Variants in RBM44 observed in about 807,000 individuals in gnomAD.
RBM44 encodes RNA-binding protein 44.
A neutral mutation model predicts 105.1 loss-of-function variants in RBM44; 66 were observed. The ratio of observed to expected loss-of-function variants is 0.63; its 90% CI spans 0.52 to 0.77. The LOEUF is 0.77. Among genes scored for constraint, RBM44 ranks in the 30% least tolerant of loss-of-function variants. RBM44 has a pLI of 0.00. For synonymous variants in RBM44, 365 were observed against 417.6 expected (o/e 0.87, Z 1.54); for missense variants, 1,122 against 1,207.8 (o/e 0.93, Z 1.05).
chr2:237,831,765 CT>C (rs1313015666), intron 13 of RBM44, among the ~76,000 whole-genome samples: 3 of 152,212 alleles, frequency 2.0e-5, no homozygotes, highest in Admixed American at 2.0e-4. Flanking sequence ...CTCTTTACTA[CT>C]TTACCTGTTT....
chr2:237,805,916 G>C (rs1180451575), intron 1 of RBM44, among the ~76,000 whole-genome samples: 1 of 152,148 alleles, frequency 6.6e-6, no homozygotes, highest in Admixed American at 6.5e-5. Flanking sequence ...GGAGGTCAAG[G>C]CTGCAGTGAG....
rs569951283 is a variant in RBM44 at position 237,809,050 on chromosome 2, T to C, written c.-18-4542T>C. Among the ~76,000 whole-genome samples the C allele has an allele frequency of 3.3e-5, 5 of 152,328 alleles. No homozygotes were observed. In the East Asian group the frequency reaches 9.6e-4, roughly 29 times the overall value. ...TGGAAGAATTTCAATTCTCATTATA[T>C]ATGAATGTCCATTTCATGACCCTTA... On this transcript the variant is annotated intron_variant, in intron 1 of 15. Coordinates refer to ENST00000316997, the MANE Select transcript of RBM44 (RefSeq NM_001080504.3).
intron 12 of RBM44, among the ~76,000 whole-genome samples, chr2:237,828,026 A>C (rs1262209368): frequency 6.6e-6 from 1 of 152,150 alleles, no homozygotes; most frequent in Non-Finnish European, 1.5e-5. Context: ...TGCTCAGAAA[A>C]TTGTATTTCA....
At position 237,818,554 on chromosome 2, in the gene RBM44, C is replaced by G. The variant is rs1443962487; in HGVS notation, c.1635C>G (p.Leu545=). Residue 545 remains leucine, a synonymous_variant, in exon 3 of 16, where the codon CTC becomes CTG. Coordinates refer to ENST00000316997, the MANE Select transcript of RBM44 (RefSeq NM_001080504.3). This position sits in a 1 kb window ranked among gnomAD's most constrained non-coding sequence, Gnocchi z 4.6. ...TAACAAAAGGATCAGGAAAATCTCT[C>G]TCCGTTGACAGTTTAAAACCTAATG... is the stretch of plus-strand genomic sequence containing the variant. ...MAITKGSGKS[L]SVDSLKPNGN... is the part of the protein sequence containing the mutation. The G allele has an allele frequency of 1.3e-6, 2 of 1,584,554 alleles. No individual in the cohort carries two copies. The highest frequency in any genetic ancestry group is 1.7e-6 in the Non-Finnish European group (2 of 1,167,778).
intron 15 of RBM44, among the ~76,000 whole-genome samples, chr2:237,835,928 A>AAT (rs2061954816): frequency 7.9e-5 from 12 of 152,208 alleles, no homozygotes; most frequent in Admixed American, 7.2e-4. Flanking sequence ...TTCTAACAAA[A>AAT]GTGCAATGTG....
At chr2:237,835,766 CTT>C (rs71039781) in intron 15 of RBM44, among the ~76,000 whole-genome samples, 62 of 147,586 alleles carry the variant, frequency 4.2e-4, no homozygotes, top group East Asian at 2.2e-3. Context: ...AATAAGCCAT[CTT>C]TTTTTTTTTT....
In RBM44 at chr2:237,814,324, AG is replaced by A. The variant is rs2061690256; in HGVS notation, c.73+645del. Among the ~76,000 whole-genome samples, 4 of 152,300 alleles carry A rather than the reference AG, an allele frequency of 2.6e-5. No individual in the cohort carries two copies. In the South Asian group the frequency reaches 8.3e-4, roughly 32 times the overall value. On this transcript the variant is annotated intron_variant, in intron 2 of 15. Coordinates refer to ENST00000316997, the MANE Select transcript of RBM44 (RefSeq NM_001080504.3). ...CAGAAAGCATTGTAAGACGATTAAG[AG>A]GGTCATTTTAAAGTGATAAAGTTAT... is the stretch of plus-strand genomic sequence containing the variant.
At position 237,839,428 on chromosome 2, in the gene RBM44, G is replaced by A. The variant is rs114041679; in HGVS notation, c.*23-2411G>A. Among the ~76,000 whole-genome samples the A allele has an allele frequency of 2.7e-3, 405 of 152,152 alleles. 1 individual carries two copies. The highest frequency in any genetic ancestry group is 7.3e-3 in the African/African-American group (303 of 41,524). The stretch of plus-strand genomic sequence containing the variant: ...TGAGACTACAGTCACGCGCCAACAC[G>A]TCCATCTAATTTTTGTGTTTTTAGT... On this transcript the variant is annotated intron_variant, in intron 15 of 15. Coordinates refer to ENST00000316997, the MANE Select transcript of RBM44 (RefSeq NM_001080504.3).
chr2:237,822,611 C>T (rs1354175530), intron 8 of RBM44, among the ~76,000 whole-genome samples: 1 of 151,896 alleles, frequency 6.6e-6, no homozygotes, highest in Admixed American at 6.6e-5. Context: ...TTGTTAAATT[C>T]TTTTTTAAAA....
intron 2 of RBM44, 100 bp from the exon 3 acceptor site, chr2:237,816,893 C>T: frequency 2.9e-6 from 2 of 683,704 alleles, no homozygotes; most frequent in Non-Finnish European, 4.6e-6. Context: ...AAATTGTAAT[C>T]CCGCATTGGG....
In RBM44 at chr2:237,818,520, A is replaced by G. The variant is rs1461029310; in HGVS notation, c.1601A>G (p.Gln534Arg). 1 of 1,607,392 alleles carries G rather than the reference A, an allele frequency of 6.2e-7. No individual in the cohort carries two copies. Among genetic ancestry groups the G allele is most frequent in the East Asian group, 2.2e-5 (1 of 44,794 alleles). Reference sequence around the variant, plus strand: ...TACAGTGAAGATTGTATAGATACACAGATGGCTATAACAAAAGGATCAGGA... The same window carrying G: ...TACAGTGAAGATTGTATAGATACACGGATGGCTATAACAAAAGGATCAGGA... ...WSYSEDCIDTQMAITKGSGKS... is the reference protein window; with the variant it reads ...WSYSEDCIDTRMAITKGSGKS... Residue 534 changes from glutamine (Q) to arginine (R), a missense_variant, in exon 3 of 16, where the codon CAG becomes CGG. Gln to Arg is a conservative substitution (Grantham distance 43). This residue lies in a region of RBM44 where 918 missense variants were observed against 955.3 expected (regional missense o/e 0.96). Coordinates refer to ENST00000316997, the MANE Select transcript of RBM44 (RefSeq NM_001080504.3). This position sits in a 1 kb window ranked among gnomAD's most constrained non-coding sequence, Gnocchi z 4.6.
In RBM44 at chr2:237,818,396, A is replaced by G. The variant is rs565438368; in HGVS notation, c.1477A>G (p.Thr493Ala). ...AAGTGCAAGACCTTCTGTAGTATCT[A>G]CATCAAGCAACACAGAGATAACAAT... ...ATSARPSVVSTSSNTEITMMN... is the reference protein window; with the variant it reads ...ATSARPSVVSASSNTEITMMN... Residue 493 changes from threonine to alanine, a missense_variant, in exon 3 of 16, where the codon ACA becomes GCA. By Grantham distance (58) the Thr-to-Ala change is moderately conservative. Around this residue, in one of 3 missense-constraint regions of RBM44, gnomAD observed 918 missense variants for 955.3 expected, o/e 0.96. Transcript: ENST00000316997. The surrounding 1 kb of genome is among the most constrained non-coding windows in gnomAD (Gnocchi z 4.6). The G allele has an allele frequency of 8.7e-6, 14 of 1,613,120 alleles. 1 individual carries two copies. The South Asian group carries it at 1.3e-4, about 15-fold the overall frequency.
chr2:237,837,573 G>A (rs936230854), intron 15 of RBM44, among the ~76,000 whole-genome samples: 1 of 152,220 alleles, frequency 6.6e-6, no homozygotes, highest in Non-Finnish European at 1.5e-5. Context: ...AATTAGAAGT[G>A]GAGCCTGAAG....
chr2:237,820,865 T>C (rs867208560), intron 5 of RBM44: 29 of 442,868 alleles, frequency 6.5e-5, no homozygotes, highest in Middle Eastern at 1.2e-3. Flanking sequence ...GTGGGCAACA[T>C]AATAGGACCC....
chr2:237,811,120 A>G (rs540212396), intron 1 of RBM44, among the ~76,000 whole-genome samples: 2 of 152,282 alleles, frequency 1.3e-5, no homozygotes, highest in African/African-American at 4.8e-5. Flanking sequence ...CAGGGCAGGC[A>G]GACCTGATCA....
chr2:237,826,263 G>C (rs924479305), intron 10 of RBM44, among the ~76,000 whole-genome samples: 1 of 152,018 alleles, frequency 6.6e-6, no homozygotes, highest in Non-Finnish European at 1.5e-5. Context: ...GCAAATATTT[G>C]TGTACTTCCT....
intron 2 of RBM44, among the ~76,000 whole-genome samples, chr2:237,815,571 AT>A (rs530248177): frequency 1.2e-4 from 19 of 152,126 alleles, no homozygotes; most frequent in African/African-American, 4.3e-4. Flanking sequence ...ATTGTGATGA[AT>A]TTTTTTTAAA....
rs956163870 is a variant in RBM44 at position 237,820,534 on chromosome 2, G to C, written c.1913+183G>C. On this transcript the variant is annotated intron_variant, in intron 5 of 15. Transcript: ENST00000316997. ...TTTCATGGAGGGGCCACAGTGCGTG[G>C]TTGGCATGATGAATCCAGTGAAAAC... is the stretch of plus-strand genomic sequence containing the variant. 69 of 437,630 alleles carry C rather than the reference G, an allele frequency of 1.6e-4. 1 individual carries two copies. In the East Asian group the frequency reaches 2.4e-3, roughly 15 times the overall value. 27.1% of individuals were successfully genotyped at this position (437,630 alleles called of 1,614,324 possible).
intron 15 of RBM44, among the ~76,000 whole-genome samples, chr2:237,838,124 A>G (rs911574213): frequency 6.6e-6 from 1 of 152,206 alleles, no homozygotes; most frequent in Non-Finnish European, 1.5e-5. Context: ...TCAGCATGAC[A>G]TGAGTACATC....
Sources: gnomAD v4.1 joint callset for allele counts (sites outside exome capture counted in the v4.1 genomes callset) on GRCh38, gnomAD v4.1.1 for gene constraint, gnomAD v4.1.1 regional missense constraint, Gnocchi (gnomAD v3.1) non-coding constraint, MANE v1.5 for transcripts, NCBI Gene and HGNC (gene_info 2026-07-23, HGNC 2026-07-21) for gene names.